CNTN5: variants seen among roughly 807,000 people sequenced by gnomAD.
The protein encoded by CNTN5 is contactin 5.
CNTN5 carries 77 observed loss-of-function variants against 129.1 expected under a neutral mutation model. That is an observed-to-expected ratio of 0.60 (90% CI 0.50 to 0.72). The LOEUF is 0.72. Among genes scored for constraint, CNTN5 ranks in the 30% least tolerant of loss-of-function variants. The pLI, the probability that CNTN5 is intolerant of heterozygous loss-of-function variation, is 0.00. For synonymous variants in CNTN5, 509 were observed against 465.6 expected, an observed-to-expected ratio of 1.09 and a Z score of -1.20; for missense variants, 1,478 against 1,328.8, an observed-to-expected ratio of 1.11 and a Z score of -1.75.
chr11:99,197,713 G>A (rs1858974634), intron 1 of CNTN5, among the ~76,000 whole-genome samples: 1 of 151,998 alleles, frequency 6.6e-6, no homozygotes, highest in African/African-American at 2.4e-5. Flanking sequence ...GCTTGCTCTT[G>A]AGCCTGCTAT....
intron 6 of CNTN5, among the ~76,000 whole-genome samples, chr11:99,872,650 G>A (rs559133731): frequency 1.3e-5 from 2 of 152,150 alleles, no homozygotes; most frequent in East Asian, 1.9e-4. Flanking sequence ...CCTAGAAGCC[G>A]GACTTTCTGG....
At chr11:99,467,865 G>A (rs1403737870) in intron 2 of CNTN5, among the ~76,000 whole-genome samples, 15 of 151,758 alleles carry the variant, frequency 9.9e-5, no homozygotes. Context: ...TTCTTCTCAA[G>A]CTGTTTCCTT....
chr11:99,357,701 A>G (rs1938776811), intron 2 of CNTN5, among the ~76,000 whole-genome samples: 1 of 152,170 alleles, frequency 6.6e-6, no homozygotes, highest in Non-Finnish European at 1.5e-5. Context: ...GACAAGTGTT[A>G]TAATAAATTT....
intron 9 of CNTN5, among the ~76,000 whole-genome samples, chr11:100,004,619 G>A (rs548897728): frequency 2.6e-5 from 4 of 152,286 alleles, no homozygotes; most frequent in Admixed American, 2.0e-4. Flanking sequence ...ATTTAGTAAA[G>A]TGATGAGCTG....
chr11:99,721,420 G>A (rs1312983009), intron 3 of CNTN5, among the ~76,000 whole-genome samples: 1 of 152,112 alleles, frequency 6.6e-6, no homozygotes, highest in East Asian at 1.9e-4. Flanking sequence ...TTGGATGACT[G>A]GCTAGCCATA....
chr11:100,010,751 C>G (rs1940477196), intron 9 of CNTN5, among the ~76,000 whole-genome samples: 1 of 152,100 alleles, frequency 6.6e-6, no homozygotes, highest in Admixed American at 6.6e-5. Context: ...TCAACTGCAC[C>G]CCTTACTATA....
intron 1 of CNTN5, among the ~76,000 whole-genome samples, chr11:99,046,379 A>T (rs1157037076): frequency 6.6e-6 from 1 of 152,154 alleles, no homozygotes; most frequent in Non-Finnish European, 1.5e-5. Flanking sequence ...TAGGGACTGT[A>T]AGTGTTCACT....
Position 99,578,228 on chromosome 11 carries a change from T to C in CNTN5, c.55+21959T>C, listed in dbSNP as rs533801539. On this transcript the variant is annotated intron_variant, in intron 3 of 24. Transcript: ENST00000524871. Reference sequence around the variant, plus strand: ...CACATTTTCTTAATCCAGTCTATCATTGTTGGACATTTGGCTTGGTTCCAA... The same window carrying C: ...CACATTTTCTTAATCCAGTCTATCACTGTTGGACATTTGGCTTGGTTCCAA... Among the ~76,000 whole-genome samples the C allele has an allele frequency of 5.3e-5, 8 of 152,196 alleles. No individual in the cohort carries two copies. In the East Asian group the frequency reaches 1.5e-3, roughly 29 times the overall value.
intron 16 of CNTN5, among the ~76,000 whole-genome samples, chr11:100,238,120 C>G (rs144925832): frequency 3.3e-5 from 5 of 152,190 alleles, no homozygotes; most frequent in African/African-American, 1.2e-4. Flanking sequence ...GAGAAAAGGT[C>G]TGCTTGTATC....
rs576562684 is a variant in CNTN5, at chr11:99,266,588, C to A, written c.-209-58758C>A. 6.6e-5 allele frequency among the ~76,000 whole-genome samples: 10 copies of A among 152,074 alleles called. No individual in the cohort carries two copies. In the South Asian group the frequency reaches 2.1e-3, roughly 32 times the overall value. On this transcript the variant is annotated intron_variant, in intron 1 of 24. Coordinates refer to ENST00000524871, the MANE Select transcript of CNTN5 (RefSeq NM_014361.4). ...CGGCACTTCAGCCTGGGCAACAGAG[C>A]AAGATCTTGTCTTAAAAAATAATAA... is the stretch of plus-strand genomic sequence containing the variant.
chr11:100,336,436 ATAAG>A (rs1952040343), intron 21 of CNTN5, among the ~76,000 whole-genome samples: 1 of 152,226 alleles, frequency 6.6e-6, no homozygotes, highest in African/African-American at 2.4e-5. Context: ...ATATTTCTAT[ATAAG>A]AGAATGAAAG....
intron 3 of CNTN5, among the ~76,000 whole-genome samples, chr11:99,626,566 A>C (rs1019314324): frequency 6.6e-6 from 1 of 152,116 alleles, no homozygotes; most frequent in African/African-American, 2.4e-5. Flanking sequence ...TGAAGGAATC[A>C]CTGCTAGAGA....
At chr11:99,719,690 A>T (rs909855599) in intron 3 of CNTN5, among the ~76,000 whole-genome samples, 7 of 152,122 alleles carry the variant, frequency 4.6e-5, no homozygotes, top group Non-Finnish European at 1.0e-4. Flanking sequence ...AATAACAAAA[A>T]TCCGAGCTGA....
chr11:99,792,114 GGC>G (rs1945765601), intron 3 of CNTN5, among the ~76,000 whole-genome samples: 1 of 151,796 alleles, frequency 6.6e-6, no homozygotes, highest in Admixed American at 6.6e-5. Context: ...TGTTTGCTTT[GGC>G]CAGGATCTCC....
At chr11:99,355,896 G>A (rs5002103) in intron 2 of CNTN5, among the ~76,000 whole-genome samples, 15,996 of 147,948 alleles carry the variant, frequency 0.11, 1,056 homozygotes, top group African/African-American at 0.17. Flanking sequence ...GCGCTATCTC[G>A]GCTCACTGCA....
intron 3 of CNTN5, among the ~76,000 whole-genome samples, chr11:99,764,723 T>A (rs1328634923): frequency 6.6e-6 from 1 of 152,146 alleles, no homozygotes; most frequent in Non-Finnish European, 1.5e-5. Context: ...ATGCAATACA[T>A]TCAACATCTC....
intron 6 of CNTN5, among the ~76,000 whole-genome samples, chr11:99,889,028 C>T (rs112785196): frequency 0.016 from 2,364 of 152,090 alleles, 80 homozygotes; most frequent in East Asian, 0.082. Flanking sequence ...CACTTACCAT[C>T]ATCATCATCA....
At chr11:99,229,602 A>C (rs1229054462) in intron 1 of CNTN5, among the ~76,000 whole-genome samples, 1 of 151,662 alleles carries the variant, frequency 6.6e-6, no homozygotes, top group Non-Finnish European at 1.5e-5. Flanking sequence ...TATTTCCAGG[A>C]AAGAAGCCGT....
chr11:99,036,425 A>G (rs1444958840), intron 1 of CNTN5, among the ~76,000 whole-genome samples: 2 of 152,168 alleles, frequency 1.3e-5, no homozygotes, highest in Non-Finnish European at 2.9e-5. Context: ...GGGTAGCTAC[A>G]TAACAAAAAT....
Sources: gnomAD v4.1 joint callset for allele counts (sites outside exome capture counted in the v4.1 genomes callset) on GRCh38, gnomAD v4.1.1 for gene constraint, MANE v1.5 for transcripts, NCBI Gene and HGNC (gene_info 2026-07-23, HGNC 2026-07-21) for gene names.